The following RBPMS variants were observed in gnomAD, a reference collection of about 807,000 sequenced individuals.
RBPMS encodes the protein RNA binding protein, mRNA processing factor, also known as RNA-binding protein with multiple splicing.
Under a neutral mutation model 26.8 loss-of-function variants are expected in RBPMS, and 7 were observed. The observed-to-expected ratio is 0.26, with a 90% confidence interval of 0.15 to 0.49. The LOEUF (loss-of-function observed/expected upper bound fraction) is 0.49. RBPMS is among the 20% of genes least tolerant of loss of function. RBPMS has a pLI of 0.98. For synonymous variants in RBPMS, 96 were observed against 93.3 expected (o/e 1.03, Z -0.17); for missense variants, 186 against 250.0 (o/e 0.74, Z 1.73).
At chr8:30,518,286 T>G (rs1800056923) in intron 5 of RBPMS, among the ~76,000 whole-genome samples, 1 of 152,206 alleles carries the variant, frequency 6.6e-6, no homozygotes. Flanking sequence ...CCCACATGGC[T>G]GAAATAAGTG....
chr8:30,413,675 T>C lies in RBPMS; in HGVS notation c.66+28517T>C, dbSNP rs184159223. Among the ~76,000 whole-genome samples, 291 of 152,192 alleles carry C rather than the reference T, an allele frequency of 1.9e-3. 1 individual carries two copies. The highest frequency in any genetic ancestry group is 6.6e-3 in the African/African-American group (276 of 41,528). Reference sequence around the variant, plus strand: ...TTGCCCAGGCTGGAGTTCAGTGGCATGATCTCGGCTCAGTGCAACCTCCGC... The same window carrying C: ...TTGCCCAGGCTGGAGTTCAGTGGCACGATCTCGGCTCAGTGCAACCTCCGC... On this transcript the variant is annotated intron_variant, in intron 1 of 8. Coordinates refer to ENST00000397323, the MANE Select transcript of RBPMS (RefSeq NM_001008710.3).
At chr8:30,559,055 C>A in intron 7 of RBPMS, 99 bp downstream of exon 7, 1 of 938,066 alleles carries the variant, frequency 1.1e-6, no homozygotes, top group Non-Finnish European at 1.7e-6. Context: ...TCTCTGCACC[C>A]ACACCTTATG....
chr8:30,531,348 G>T (rs1470629712), intron 5 of RBPMS, among the ~76,000 whole-genome samples: 9 of 109,904 alleles, frequency 8.2e-5, no homozygotes, highest in Non-Finnish European at 1.6e-4. Context: ...GAGCCAACCA[G>T]CCTTCTGCTG....
At chr8:30,539,135 A>C (rs745728814) in intron 5 of RBPMS, among the ~76,000 whole-genome samples, 1 of 152,098 alleles carries the variant, frequency 6.6e-6, no homozygotes, top group Non-Finnish European at 1.5e-5. Flanking sequence ...CAAAATTTAT[A>C]TTATTCCTAT....
intron 1 of RBPMS, among the ~76,000 whole-genome samples, chr8:30,468,114 T>C (rs1233367516): frequency 6.6e-6 from 1 of 152,222 alleles, no homozygotes; most frequent in African/African-American, 2.4e-5. Context: ...TCAGTAGATC[T>C]GGATATCTAC....
At chr8:30,530,650 C>T (rs1460806302) in intron 5 of RBPMS, among the ~76,000 whole-genome samples, 4 of 151,976 alleles carry the variant, frequency 2.6e-5, no homozygotes, top group African/African-American at 9.7e-5. Context: ...TTAGTAGAGA[C>T]GGGGTTTCTC....
At chr8:30,407,798 CT>C (rs951645715) in intron 1 of RBPMS, among the ~76,000 whole-genome samples, 18 of 97,216 alleles carry the variant, frequency 1.9e-4, no homozygotes, top group Admixed American at 8.5e-4. Context: ...AGTTGAATAA[CT>C]TGCCCTGGGT....
intron 5 of RBPMS, among the ~76,000 whole-genome samples, chr8:30,509,729 A>C (rs1383566352): frequency 6.6e-6 from 1 of 152,240 alleles, no homozygotes; most frequent in Non-Finnish European, 1.5e-5. Context: ...CTGACTGGGC[A>C]GGAGGAATAC....
intron 4 of RBPMS, among the ~76,000 whole-genome samples, chr8:30,496,591 T>G (rs1819986264): frequency 2.0e-5 from 3 of 152,216 alleles, no homozygotes; most frequent in Admixed American, 1.3e-4. Flanking sequence ...ATTTCATGAT[T>G]TATGTTGACA....
intron 6 of RBPMS, chr8:30,553,466 C>T (rs1432907868): frequency 6.6e-6 from 1 of 152,250 alleles, no homozygotes; most frequent in African/African-American, 2.4e-5. Context: ...AGCCTCTCTT[C>T]AGCCTGGCAG....
chr8:30,512,269 CTTTT>C (rs1298363166), intron 5 of RBPMS, among the ~76,000 whole-genome samples: 1 of 151,844 alleles, frequency 6.6e-6, no homozygotes, highest in Admixed American at 6.6e-5. Context: ...TTTGTGTATG[CTTTT>C]TTGTTTTTGT....
At chr8:30,537,893 G>A (rs1377335450) in intron 5 of RBPMS, among the ~76,000 whole-genome samples, 1 of 152,182 alleles carries the variant, frequency 6.6e-6, no homozygotes, top group East Asian at 1.9e-4. Flanking sequence ...AAGTGATGGA[G>A]GCTTCTAGCC....
intron 1 of RBPMS, among the ~76,000 whole-genome samples, chr8:30,459,051 C>T (rs1469675324): frequency 6.6e-6 from 1 of 151,762 alleles, no homozygotes; most frequent in African/African-American, 2.4e-5. Flanking sequence ...GCAACCGCCA[C>T]CTCCTGGGTT....
At chr8:30,486,467 CA>C (rs775790893) in intron 4 of RBPMS, among the ~76,000 whole-genome samples, 9,399 of 123,412 alleles carry the variant, frequency 0.076, 877 homozygotes, top group African/African-American at 0.23. Flanking sequence ...ACTAAAAGTA[CA>C]AAAAAAAAAA....
In RBPMS at chr8:30,472,606, TATATC is replaced by T. The variant is rs544829502; in HGVS notation, c.67-2169_67-2165del. On this transcript the variant is annotated intron_variant, in intron 1 of 8. Coordinates refer to ENST00000397323, the MANE Select transcript of RBPMS (RefSeq NM_001008710.3). ...TAACCTCAATAAAGCTGTTTATAAATATATCATAAAATAAGGCATTCAGAATTCTG... is the reference window on the plus strand; with the variant it reads ...TAACCTCAATAAAGCTGTTTATAAATATAAAATAAGGCATTCAGAATTCTG... Among the ~76,000 whole-genome samples, 32 of 152,356 alleles carry T rather than the reference TATATC, an allele frequency of 2.1e-4. No individual in the cohort carries two copies. In the South Asian group the frequency reaches 5.6e-3, roughly 27 times the overall value.
chr8:30,526,421 G>A (rs746840044), intron 5 of RBPMS, among the ~76,000 whole-genome samples: 75 of 152,170 alleles, frequency 4.9e-4, no homozygotes, highest in Non-Finnish European at 8.2e-4. Context: ...GTAGAGCTGT[G>A]TTTATTCAGG....
In RBPMS at chr8:30,446,832, TGTGTGTGTGTGC is replaced by T. The variant is rs1467194311; in HGVS notation, c.67-27945_67-27934del. 4.5e-4 allele frequency: 45 copies of T among 100,404 alleles called. 1 individual carries two copies. Among genetic ancestry groups the T allele is most frequent in the East Asian group, 1.8e-3 (6 of 3,418 alleles). 6.2% of individuals were successfully genotyped at this position (100,404 alleles called of 1,614,324 possible). ...GTGTGTGTGTGTGTGTGTGTGTGTG[TGTGTGTGTGTGC>T]GCGCGCGCGCGCGCGGTGGAGGGTA... On this transcript the variant is annotated intron_variant, in intron 1 of 8. Coordinates refer to ENST00000397323, the MANE Select transcript of RBPMS (RefSeq NM_001008710.3).
intron 5 of RBPMS, among the ~76,000 whole-genome samples, chr8:30,518,817 T>C (rs1822673323): frequency 6.7e-6 from 1 of 148,330 alleles, no homozygotes; most frequent in Admixed American, 6.9e-5. Context: ...CTGACCTCAG[T>C]GTAAGCCAGT....
At chr8:30,500,334 G>A (rs1330029816) in intron 4 of RBPMS, among the ~76,000 whole-genome samples, 4 of 140,854 alleles carry the variant, frequency 2.8e-5, no homozygotes, top group Non-Finnish European at 6.2e-5. Flanking sequence ...AAACATTGTT[G>A]AGTATCTTTT....
Sources: allele counts gnomAD v4.1 joint callset (sites outside exome capture counted in the v4.1 genomes callset), GRCh38; gene constraint gnomAD v4.1.1; transcripts MANE v1.5; gene names NCBI Gene and HGNC (gene_info 2026-07-23, HGNC 2026-07-21).